Variants in NUP155 observed in about 807,000 individuals in gnomAD.
The protein encoded by NUP155 is nucleoporin 155.
In NUP155, 71 loss-of-function variants were observed where a neutral mutation model predicts 180.4. The ratio of observed to expected loss-of-function variants is 0.39; its 90% CI spans 0.33 to 0.48. The LOEUF (loss-of-function observed/expected upper bound fraction) is 0.48, where lower values mean the gene tolerates loss of function less well. Among genes scored for constraint, NUP155 ranks in the 20% least tolerant of loss-of-function variants. The pLI is 0.91. For missense variants in NUP155, 1,553 were observed against 1,648.9 expected, an observed-to-expected ratio of 0.94 and a Z score of 1.01; for synonymous variants, 582 against 559.5, an observed-to-expected ratio of 1.04 and a Z score of -0.57.
intron 4 of NUP155, among the ~76,000 whole-genome samples, chr5:37,357,112 A>T (rs1479096275): frequency 6.6e-6 from 1 of 151,962 alleles, no homozygotes; most frequent in Admixed American, 6.6e-5. Context: ...GTCTCAAAAA[A>T]GAAAAAGACT....
chr5:37,315,361 A>G (rs1460943313), intron 21 of NUP155, among the ~76,000 whole-genome samples: 1 of 152,240 alleles, frequency 6.6e-6, no homozygotes, highest in African/African-American at 2.4e-5. Flanking sequence ...TATTGTTCTA[A>G]CTTGTATCTG....
chr5:37,365,889 T>C (rs1410484889), intron 1 of NUP155, among the ~76,000 whole-genome samples: 2 of 151,082 alleles, frequency 1.3e-5, no homozygotes, highest in South Asian at 2.1e-4. Flanking sequence ...AATGGGAAAA[T>C]ATAAAACTGC....
chr5:37,352,054 C>G (rs1268609256), intron 5 of NUP155, among the ~76,000 whole-genome samples: 1 of 151,752 alleles, frequency 6.6e-6, no homozygotes, highest in Admixed American at 6.6e-5. Context: ...GACACCCCGT[C>G]TCTTCTAAAA....
At chr5:37,303,157 A>C in intron 28 of NUP155, 103 bp downstream of exon 28, 1 of 1,334,076 alleles carries the variant, frequency 7.5e-7, no homozygotes, top group Non-Finnish European at 1.0e-6. Flanking sequence ...AATTTAGGTC[A>C]GTATATTAAA....
At chr5:37,334,328 C>T (rs1188944575) in intron 12 of NUP155, among the ~76,000 whole-genome samples, 2 of 151,938 alleles carry the variant, frequency 1.3e-5, no homozygotes, top group Non-Finnish European at 2.9e-5. Context: ...TTCTCGAACT[C>T]CTGGGCTCAT....
At chr5:37,359,603 A>C (rs922661920) in intron 3 of NUP155, among the ~76,000 whole-genome samples, 3 of 152,184 alleles carry the variant, frequency 2.0e-5, no homozygotes, top group Non-Finnish European at 2.9e-5. Context: ...AGCCAAGGAA[A>C]AGACATGCCC....
intron 21 of NUP155, among the ~76,000 whole-genome samples, chr5:37,315,695 C>A (rs1304517600): frequency 1.3e-5 from 2 of 152,162 alleles, no homozygotes; most frequent in African/African-American, 4.8e-5. Flanking sequence ...GTAATCCTAC[C>A]ACTTTGGGAG....
intron 32 of NUP155, among the ~76,000 whole-genome samples, chr5:37,295,566 A>G (rs1263856561): frequency 5.5e-5 from 8 of 144,156 alleles, no homozygotes; most frequent in Admixed American, 4.2e-4. Context: ...AGTGAGGAGC[A>G]TCTCTGCCCA....
At position 37,358,082 on chromosome 5, in the gene NUP155, T is replaced by C; in HGVS notation, c.462A>G (p.Ala154=). Residue 154 remains alanine (A), a splice_region_variant and synonymous_variant, in exon 4 of 35, where the codon GCA becomes GCG. Transcript: ENST00000231498. Reference sequence around the variant, plus strand: ...CTTCCTTATAGTTTTATTTCTTACCTGCTTTTGGCTTCACAAGCCCCACAG... The same window carrying C: ...CTTCCTTATAGTTTTATTTCTTACCCGCTTTTGGCTTCACAAGCCCCACAG... ...ILAVGLVKPK[A]GIFQPHVRHL... The C allele has an allele frequency of 6.2e-7, 1 of 1,605,700 alleles. No individual in the cohort carries two copies. The highest frequency in any genetic ancestry group is 8.5e-7 in the Non-Finnish European group (1 of 1,172,318).
At chr5:37,365,752 T>TATATATATATACACAC (rs1403169370) in intron 1 of NUP155, among the ~76,000 whole-genome samples, 2 of 37,890 alleles carry the variant, frequency 5.3e-5, no homozygotes, top group African/African-American at 1.1e-4. Flanking sequence ...TATATATATA[T>TATATATATATACACAC]ACACACACAC....
intron 5 of NUP155, among the ~76,000 whole-genome samples, 192 bp downstream of exon 5, chr5:37,352,540 AAAAAC>A (rs545112182): frequency 5.3e-5 from 8 of 152,120 alleles, no homozygotes; most frequent in South Asian, 2.1e-4. Context: ...ATCCGTCTCA[AAAAAC>A]AAAACAAAAC....
At chr5:37,336,083 T>A (rs1356070784) in intron 12 of NUP155, among the ~76,000 whole-genome samples, 1 of 152,200 alleles carries the variant, frequency 6.6e-6, no homozygotes, top group Non-Finnish European at 1.5e-5. Flanking sequence ...TCAAAGCTCA[T>A]ACACTATACT....
intron 3 of NUP155, among the ~76,000 whole-genome samples, chr5:37,360,311 G>A (rs1379741563): frequency 2.0e-5 from 3 of 151,378 alleles, no homozygotes; most frequent in South Asian, 2.1e-4. Context: ...GTGAAACCCC[G>A]TCTCTACTAA....
intron 6 of NUP155, among the ~76,000 whole-genome samples, chr5:37,350,601 C>T (rs950436293): frequency 5.3e-5 from 8 of 151,858 alleles, no homozygotes; most frequent in Admixed American, 4.6e-4. Flanking sequence ...GTCAGGAGTT[C>T]GAGACCAGCC....
At chr5:37,336,906 C>T (rs2150972218) in intron 12 of NUP155, among the ~76,000 whole-genome samples, 1 of 152,162 alleles carries the variant, frequency 6.6e-6, no homozygotes, top group East Asian at 1.9e-4. Context: ...ACCAAAGAAC[C>T]ACTAGTTTTC....
At chr5:37,310,788 T>C (rs1743479943) in intron 22 of NUP155, 45 bp from the exon 23 acceptor site, 1 of 1,361,310 alleles carries the variant, frequency 7.3e-7, no homozygotes, top group African/African-American at 1.4e-5. Context: ...AAATACCATA[T>C]TTCTAAACAT....
At chr5:37,369,379 G>C (rs1747813636) in intron 1 of NUP155, among the ~76,000 whole-genome samples, 1 of 152,220 alleles carries the variant, frequency 6.6e-6, no homozygotes, top group South Asian at 2.1e-4. Context: ...AAATCCTGAG[G>C]AAATCCTGAA....
At chr5:37,327,317 AG>A (rs1302372358) in intron 18 of NUP155, 1 of 357,498 alleles carries the variant, frequency 2.8e-6, no homozygotes, top group Non-Finnish European at 5.3e-6. Flanking sequence ...GAAAGTCAAA[AG>A]TTGTACATGA....
chr5:37,328,357 C>G lies in NUP155; in HGVS notation c.1876+1G>C. On this transcript the variant is annotated splice_donor_variant, in intron 17 of 34. Coordinates refer to ENST00000231498, the MANE Select transcript of NUP155 (RefSeq NM_153485.3). LOFTEE classifies it high-confidence loss of function. ...CAATCCAAAACAAAGAAAAGAGGTA[C>G]CATGAGACGGTGTTCCCAAAAAGGA... 1.2e-6 allele frequency: 2 copies of G among 1,602,734 alleles called. No individual in the cohort carries two copies. The highest frequency in any genetic ancestry group is 1.7e-6 in the Non-Finnish European group (2 of 1,169,858).
Sources: allele counts gnomAD v4.1 joint callset (sites outside exome capture counted in the v4.1 genomes callset), GRCh38; gene constraint gnomAD v4.1.1; transcripts MANE v1.5; gene names NCBI Gene and HGNC (gene_info 2026-07-23, HGNC 2026-07-21).